The following KCNH7 variants were observed in gnomAD, a reference collection of about 807,000 sequenced individuals.
KCNH7 encodes the protein voltage-gated inwardly rectifying potassium channel KCNH7.
KCNH7 carries 49 observed loss-of-function variants against 120.8 expected under a neutral mutation model. The observed-to-expected ratio is 0.41, with a 90% CI of 0.32 to 0.51. KCNH7 has a LOEUF of 0.51. KCNH7 is among the 20% of genes least tolerant of loss of function. KCNH7 has a pLI of 0.38. For missense variants in KCNH7, 1,097 were observed against 1,446.6 expected, an observed-to-expected ratio of 0.76 and a Z score of 3.92; for synonymous variants, 547 against 516.1, an observed-to-expected ratio of 1.06 and a Z score of -0.81.
At chr2:162,719,524 G>C (rs1687249841) in intron 2 of KCNH7, among the ~76,000 whole-genome samples, 1 of 151,932 alleles carries the variant, frequency 6.6e-6, no homozygotes, top group Non-Finnish European at 1.5e-5. Flanking sequence ...GAATAGCTCT[G>C]ATTTCTTAGT....
At chr2:162,637,770 G>T (rs2105230230) in intron 2 of KCNH7, among the ~76,000 whole-genome samples, 1 of 152,018 alleles carries the variant, frequency 6.6e-6, no homozygotes, top group Non-Finnish European at 1.5e-5. Flanking sequence ...ATCTGATCTT[G>T]GGAAGACAGA....
chr2:162,837,620 A>G (rs1021329120), intron 1 of KCNH7, among the ~76,000 whole-genome samples: 5 of 152,222 alleles, frequency 3.3e-5, no homozygotes, highest in Non-Finnish European at 7.3e-5. Context: ...TGGCATACAA[A>G]TGTATTAATA....
intron 2 of KCNH7, among the ~76,000 whole-genome samples, chr2:162,798,459 T>C (rs1313127611): frequency 1.3e-5 from 2 of 152,076 alleles, no homozygotes; most frequent in Non-Finnish European, 2.9e-5. Flanking sequence ...AAATCTTCAA[T>C]ACATTTTCTA....
chr2:162,680,237 T>C (rs539298422), intron 2 of KCNH7, among the ~76,000 whole-genome samples: 3 of 151,570 alleles, frequency 2.0e-5, no homozygotes, highest in African/African-American at 2.4e-5. Flanking sequence ...TATTTTCACC[T>C]GAGTCAAAGC....
At position 162,691,201 on chromosome 2, in the gene KCNH7, C is replaced by T. The variant is rs545419445; in HGVS notation, c.307+145336G>A. ...CTATAATAGAAAGCATGTTGATATG[C>T]CAAATTCATAGAGAAGACAGAGTGG... On this transcript the variant is annotated intron_variant, in intron 2 of 15. Coordinates refer to ENST00000332142, the MANE Select transcript of KCNH7 (RefSeq NM_033272.4). Among the ~76,000 whole-genome samples, 118 of 152,216 alleles carry T rather than the reference C, an allele frequency of 7.8e-4. 1 individual carries two copies. The highest frequency in any genetic ancestry group is 2.4e-3 in the African/African-American group (100 of 41,554).
intron 9 of KCNH7, among the ~76,000 whole-genome samples, chr2:162,417,706 T>G (rs1264018107): frequency 6.6e-6 from 1 of 152,162 alleles, no homozygotes; most frequent in Non-Finnish European, 1.5e-5. Flanking sequence ...GAACTCACTT[T>G]GCATAGAAGC....
At chr2:162,718,102 C>T (rs932673520) in intron 2 of KCNH7, among the ~76,000 whole-genome samples, 1 of 151,508 alleles carries the variant, frequency 6.6e-6, no homozygotes, top group African/African-American at 2.4e-5. Context: ...GGAGAGTACC[C>T]AGGAAGGAAG....
At chr2:162,430,259 G>A (rs1042200549) in intron 8 of KCNH7, among the ~76,000 whole-genome samples, 1 of 151,968 alleles carries the variant, frequency 6.6e-6, no homozygotes, top group Non-Finnish European at 1.5e-5. Context: ...CCACATCTAT[G>A]TGAGCTCTGG....
intron 2 of KCNH7, among the ~76,000 whole-genome samples, chr2:162,606,811 A>G (rs1682788955): frequency 6.6e-6 from 1 of 152,210 alleles, no homozygotes; most frequent in Non-Finnish European, 1.5e-5. Flanking sequence ...CTAGAAATCT[A>G]TGTCATTGAA....
intron 3 of KCNH7, among the ~76,000 whole-genome samples, chr2:162,535,803 T>C (rs552687820): frequency 2.8e-4 from 42 of 151,942 alleles, no homozygotes; most frequent in African/African-American, 9.9e-4. Flanking sequence ...ATAAACTGTA[T>C]GATTCTGAGC....
At chr2:162,624,935 T>C (rs1683500024) in intron 2 of KCNH7, among the ~76,000 whole-genome samples, 1 of 147,536 alleles carries the variant, frequency 6.8e-6, no homozygotes, top group African/African-American at 2.5e-5. Flanking sequence ...TTCGCTCTTG[T>C]TGCCCAAGCA....
At chr2:162,472,435 A>T (rs1444803296) in intron 6 of KCNH7, among the ~76,000 whole-genome samples, 2 of 152,246 alleles carry the variant, frequency 1.3e-5, no homozygotes, top group Non-Finnish European at 2.9e-5. Context: ...AAAGGATATG[A>T]ACAGACACTT....
intron 2 of KCNH7, among the ~76,000 whole-genome samples, chr2:162,776,902 G>T (rs190123901): frequency 6.6e-6 from 1 of 152,270 alleles, no homozygotes; most frequent in Admixed American, 6.5e-5. Context: ...TGAGACCAGT[G>T]TTCTTAGACT....
At chr2:162,412,321 T>C (rs1012886780) in intron 9 of KCNH7, among the ~76,000 whole-genome samples, 2 of 152,144 alleles carry the variant, frequency 1.3e-5, no homozygotes, top group Non-Finnish European at 2.9e-5. Context: ...TTTTTTAAGA[T>C]ATAAACCAGT....
At chr2:162,492,818 TA>T (rs1690353739) in intron 6 of KCNH7, among the ~76,000 whole-genome samples, 3 of 150,478 alleles carry the variant, frequency 2.0e-5, no homozygotes, top group Non-Finnish European at 4.4e-5. Context: ...ATCTCCAAGC[TA>T]TAGATATATC....
At chr2:162,394,103 T>C (rs1313270531) in intron 12 of KCNH7, among the ~76,000 whole-genome samples, 1 of 152,022 alleles carries the variant, frequency 6.6e-6, no homozygotes, top group South Asian at 2.1e-4. Flanking sequence ...TCCAGAAAAC[T>C]GTGCTCCGAA....
intron 2 of KCNH7, among the ~76,000 whole-genome samples, chr2:162,823,713 A>T (rs1685192890): frequency 6.6e-6 from 1 of 152,138 alleles, no homozygotes; most frequent in South Asian, 2.1e-4. Flanking sequence ...CTTCTGCTGG[A>T]ATGAAAATTC....
At chr2:162,568,684 A>C (rs1255798806) in intron 2 of KCNH7, among the ~76,000 whole-genome samples, 1 of 152,006 alleles carries the variant, frequency 6.6e-6, no homozygotes, top group Non-Finnish European at 1.5e-5. Flanking sequence ...AGTAGAAACA[A>C]AGAGGAAATA....
At chr2:162,618,518 T>A (rs1322005107) in intron 2 of KCNH7, among the ~76,000 whole-genome samples, 1 of 152,102 alleles carries the variant, frequency 6.6e-6, no homozygotes, top group East Asian at 1.9e-4. Context: ...AAACCCCAAG[T>A]ACTGATTTGA....
Sources: allele counts gnomAD v4.1 joint callset (sites outside exome capture counted in the v4.1 genomes callset), GRCh38; gene constraint gnomAD v4.1.1; transcripts MANE v1.5; gene names NCBI Gene and HGNC (gene_info 2026-07-23, HGNC 2026-07-21).